Variants in BFSP2 observed in about 807,000 individuals in gnomAD.
BFSP2 encodes phakinin.
A neutral mutation model predicts 44.9 loss-of-function variants in BFSP2; 38 were observed. That is an observed-to-expected ratio of 0.85 (90% CI 0.65 to 1.11). BFSP2 has a LOEUF of 1.11. Among genes scored for constraint, BFSP2 ranks in the 50% least tolerant of loss-of-function variants. The probability of loss-of-function intolerance (pLI) is 0.00; values close to 1 mark genes in which losing one functional copy is unlikely to be tolerated. For missense variants in BFSP2, 525 were observed against 533.0 expected (o/e 0.99, Z 0.15); for synonymous variants, 197 against 209.9 (o/e 0.94, Z 0.53).
chr3:133,420,256 G>A (rs1321699985), intron 1 of BFSP2, among the ~76,000 whole-genome samples: 1 of 152,208 alleles, frequency 6.6e-6, no homozygotes, highest in Non-Finnish European at 1.5e-5. Context: ...TTGGGGAAAG[G>A]TTTAAGAAAG....
chr3:133,419,910 C>T (rs2073577076), intron 1 of BFSP2, among the ~76,000 whole-genome samples: 2 of 152,354 alleles, frequency 1.3e-5, no homozygotes, highest in Admixed American at 6.5e-5. Flanking sequence ...CCGGCTCCGC[C>T]AAACCACTCC....
rs754118418 is a variant in BFSP2, at chr3:133,466,825, C to T, written c.892-3C>T. On this transcript the variant is annotated splice_region_variant and splice_polypyrimidine_tract_variant and intron_variant, in intron 4 of 6. Transcript: ENST00000302334. ...GCTCACACTGAGACCTGACTCTCCA[C>T]AGCAACAGGCGGAGGTGGCCCACAT... 6.3e-5 allele frequency: 101 copies of T among 1,613,360 alleles called. No homozygotes were observed. The highest frequency in any genetic ancestry group is 8.3e-5 in the Non-Finnish European group (98 of 1,179,964).
intron 4 of BFSP2, among the ~76,000 whole-genome samples, chr3:133,464,600 A>G (rs2074092334): frequency 6.6e-6 from 1 of 152,132 alleles, no homozygotes; most frequent in Non-Finnish European, 1.5e-5. Context: ...TTTGTTATTT[A>G]ACTATTAAAT....
intron 1 of BFSP2, among the ~76,000 whole-genome samples, chr3:133,431,818 A>G (rs374004485): frequency 1.7e-4 from 26 of 152,078 alleles, no homozygotes; most frequent in African/African-American, 5.8e-4. Flanking sequence ...TCTGGTGCCA[A>G]CTTAGACAAT....
At chr3:133,448,673 G>T in intron 3 of BFSP2, 28 bp downstream of exon 3, 1 of 1,611,362 alleles carries the variant, frequency 6.2e-7, no homozygotes, top group Non-Finnish European at 8.5e-7. Context: ...TTGCTGGGTT[G>T]GCCACAAGAC....
At chr3:133,459,501 A>G (rs1277337495) in intron 4 of BFSP2, among the ~76,000 whole-genome samples, 2 of 152,230 alleles carry the variant, frequency 1.3e-5, no homozygotes, top group East Asian at 1.9e-4. Flanking sequence ...GGCAGCTCCA[A>G]CGGAGGCTGG....
intron 1 of BFSP2, among the ~76,000 whole-genome samples, chr3:133,424,170 G>GCCTCCC (rs2073620302): frequency 6.7e-6 from 1 of 148,632 alleles, no homozygotes; most frequent in Non-Finnish European, 1.5e-5. Context: ...TCCTGCCTCA[G>GCCTCCC]AAGTAGCTGG....
chr3:133,414,213 C>T (rs2073484579), intron 1 of BFSP2, among the ~76,000 whole-genome samples: 1 of 108,046 alleles, frequency 9.3e-6, no homozygotes, highest in Non-Finnish European at 1.9e-5. Context: ...CACCCCTGCC[C>T]TCTCCCCTCC....
At chr3:133,425,167 A>C (rs775029835) in intron 1 of BFSP2, among the ~76,000 whole-genome samples, 8 of 152,172 alleles carry the variant, frequency 5.3e-5, no homozygotes, top group Non-Finnish European at 1.0e-4. Flanking sequence ...TTTCGGTTTT[A>C]TTATGGTCAT....
chr3:133,404,411 G>A (rs1274005763), intron 1 of BFSP2, among the ~76,000 whole-genome samples: 1 of 152,018 alleles, frequency 6.6e-6, no homozygotes, highest in Non-Finnish European at 1.5e-5. Flanking sequence ...CAAGCCTCTT[G>A]CTCACCCCCA....
At chr3:133,461,510 C>T (rs146870345) in intron 4 of BFSP2, among the ~76,000 whole-genome samples, 151 of 152,208 alleles carry the variant, frequency 9.9e-4, no homozygotes, top group African/African-American at 3.6e-3. Flanking sequence ...CAAAACACAG[C>T]CCCACCTTCC....
chr3:133,455,379 A>G (rs2074004578), intron 4 of BFSP2: 1 of 152,192 alleles, frequency 6.6e-6, no homozygotes, highest in Non-Finnish European at 1.5e-5. Context: ...GGCATCGTTC[A>G]ATTCCTTGCA....
Position 133,448,613 on chromosome 3 carries a change from G to A in BFSP2, c.697G>A (p.Glu233Lys). Reference sequence around the variant, plus strand: ...GAGTCAAATAGAAAGTCTGAAAGAAGAACTTGGCTCTCTATCAAGAAACTA... The same window carrying A: ...GAGTCAAATAGAAAGTCTGAAAGAAAAACTTGGCTCTCTATCAAGAAACTA... The part of the protein sequence containing the change: ...LESQIESLKE[E>K]LGSLSRNYEE... The change falls in exon 3 of 7, where the codon GAA becomes AAA. Residue 233 changes from glutamate to lysine, a missense_variant. Coordinates refer to ENST00000302334, the MANE Select transcript of BFSP2 (RefSeq NM_003571.4). 1.2e-6 allele frequency: 2 copies of A among 1,613,764 alleles called. No individual in the cohort carries two copies. Among genetic ancestry groups the A allele is most frequent in the Middle Eastern group, 3.3e-4 (2 of 6,028 alleles).
intron 4 of BFSP2, among the ~76,000 whole-genome samples, chr3:133,458,822 G>T (rs1246634510): frequency 6.6e-6 from 1 of 152,122 alleles, no homozygotes; most frequent in Non-Finnish European, 1.5e-5. Context: ...CTACATAGGG[G>T]ATCACCCAAC....
intron 4 of BFSP2, among the ~76,000 whole-genome samples, chr3:133,460,320 C>T (rs1009571047): frequency 1.3e-5 from 2 of 152,162 alleles, no homozygotes; most frequent in African/African-American, 2.4e-5. Flanking sequence ...TAGAAAGTGG[C>T]AACACTAGGA....
At chr3:133,455,123 T>A (rs2074001934) in intron 4 of BFSP2, among the ~76,000 whole-genome samples, 1 of 152,216 alleles carries the variant, frequency 6.6e-6, no homozygotes, top group African/African-American at 2.4e-5. Flanking sequence ...CGTTAACTAT[T>A]TTTCTTTTTT....
At chr3:133,419,888 T>C (rs535655726) in intron 1 of BFSP2, among the ~76,000 whole-genome samples, 1 of 152,352 alleles carries the variant, frequency 6.6e-6, no homozygotes, top group East Asian at 1.9e-4. Flanking sequence ...AGACGCCCCA[T>C]GGTGTGTGGC....
chr3:133,463,758 T>A (rs1457359941), intron 4 of BFSP2, among the ~76,000 whole-genome samples: 2 of 152,172 alleles, frequency 1.3e-5, no homozygotes, highest in African/African-American at 4.8e-5. Context: ...CCCTGCCAGC[T>A]GTGACAAGTT....
At chr3:133,468,316 G>A (rs560678167) in intron 5 of BFSP2, among the ~76,000 whole-genome samples, 1 of 152,282 alleles carries the variant, frequency 6.6e-6, no homozygotes, top group Admixed American at 6.5e-5. Context: ...CTATGTGAAT[G>A]AACAGCTTTC....
Sources: gnomAD v4.1 joint callset for allele counts (sites outside exome capture counted in the v4.1 genomes callset) on GRCh38, gnomAD v4.1.1 for gene constraint, MANE v1.5 for transcripts, NCBI Gene and HGNC (gene_info 2026-07-23, HGNC 2026-07-21) for gene names.